PUS7L: variants seen among roughly 807,000 people sequenced by gnomAD.
The protein encoded by PUS7L is pseudouridine synthase 7 like.
PUS7L carries 49 observed loss-of-function variants against 51.1 expected under a neutral mutation model. The observed-to-expected ratio is 0.96, with a 90% CI of 0.76 to 1.22. The LOEUF (loss-of-function observed/expected upper bound fraction) is 1.22, where lower values mean the gene tolerates loss of function less well. Ranked by LOEUF, PUS7L falls within the 50% of genes most tolerant of loss-of-function variation. The pLI, the probability that PUS7L is intolerant of heterozygous loss-of-function variation, is 0.00. For missense variants in PUS7L, 828 were observed against 820.6 expected, an observed-to-expected ratio of 1.01 and a Z score of -0.11; for synonymous variants, 277 against 276.2, an observed-to-expected ratio of 1.00 and a Z score of -0.03.
chr12:43,754,223 G>A (rs1324255886), intron 2 of PUS7L, 113 bp downstream of exon 2: 6 of 695,394 alleles, frequency 8.6e-6, no homozygotes, highest in African/African-American at 5.4e-5. Flanking sequence ...TCTCCCTAAA[G>A]GTAAATCATA....
intron 1 of PUS7L, among the ~76,000 whole-genome samples, chr12:43,756,514 T>C (rs1339777865): frequency 6.6e-6 from 1 of 152,210 alleles, no homozygotes; most frequent in Non-Finnish European, 1.5e-5. Context: ...CTCTCTCGGA[T>C]CCCCAGACAA....
chr12:43,748,896 G>T (rs1193958382), intron 2 of PUS7L, among the ~76,000 whole-genome samples: 4 of 152,146 alleles, frequency 2.6e-5, no homozygotes, highest in South Asian at 2.1e-4. Context: ...GCTAATTTTT[G>T]TATTTTTAGC....
chr12:43,730,382 G>A lies in PUS7L; in HGVS notation c.2100C>T (p.Asp700=), dbSNP rs755410977. Residue 700 remains aspartate, a synonymous_variant, in exon 9 of 9, where the codon GAC becomes GAT. Transcript: ENST00000344862. ...TVCLKEIMKH[D]V is the part of the protein sequence containing the mutation. ...TATACCAAGGGTATCAGTTTTAAAC[G>A]TCATGCTTCATTATTTCCTTCAGAC... is the stretch of plus-strand genomic sequence containing the variant. The A allele has an allele frequency of 6.8e-6, 11 of 1,612,118 alleles. No homozygotes were observed. Among genetic ancestry groups the A allele is most frequent in the Middle Eastern group, 1.7e-4 (1 of 6,054 alleles).
intron 4 of PUS7L, among the ~76,000 whole-genome samples, chr12:43,743,609 A>C (rs1938011528): frequency 6.6e-6 from 1 of 152,016 alleles, no homozygotes; most frequent in African/African-American, 2.4e-5. Flanking sequence ...TAAAAATACA[A>C]AAAATTAGCT....
Position 43,746,191 on chromosome 12 carries a change from A to C in PUS7L, c.1118T>G (p.Phe373Cys), listed in dbSNP as rs1938162122. Residue 373 changes from phenylalanine to cysteine, a missense_variant, in exon 4 of 9, where the codon TTT becomes TGT. Coordinates refer to ENST00000344862, the MANE Select transcript of PUS7L (RefSeq NM_031292.5). ...GGAATCATCTACAGACCGAATATTA[A>C]AGACATTCATTCTTTTCTTTTCAAT... ...KEIEKKRMNV[F>C]NIRSVDDSLR... 6.7e-7 allele frequency: 1 copy of C among 1,501,222 alleles called. No individual in the cohort carries two copies. Among genetic ancestry groups the C allele is most frequent in the Non-Finnish European group, 9.1e-7 (1 of 1,093,386 alleles). 93.0% of individuals were successfully genotyped at this position (1,501,222 alleles called of 1,614,324 possible). A position where few individuals can be genotyped will look rare whatever the true frequency, so the allele number is the denominator to read the frequency against.
chr12:43,756,002 A>C (rs1477995077), intron 1 of PUS7L, among the ~76,000 whole-genome samples: 1 of 152,152 alleles, frequency 6.6e-6, no homozygotes, highest in Non-Finnish European at 1.5e-5. Flanking sequence ...TACCATATGG[A>C]GCTGCAGGAA....
chr12:43,755,121 T>C lies in PUS7L; in HGVS notation c.125A>G (p.Gln42Arg), dbSNP rs568115016. ...GATGGTCTTATTAACTAACTGTCCC[T>C]GTTCATCAATTTCAATAACAATAAA... is the stretch of plus-strand genomic sequence containing the variant. The part of the protein sequence containing the change: ...SDFIVIEIDE[Q>R]GQLVNKTIDE... The change falls in exon 2 of 9, where the codon CAG becomes CGG. Residue 42 changes from glutamine to arginine, a missense_variant. Physicochemically the swap from Gln to Arg is conservative, Grantham distance 43 (BLOSUM62 1). Coordinates refer to ENST00000344862, the MANE Select transcript of PUS7L (RefSeq NM_031292.5). 6.2e-7 allele frequency: 1 copy of C among 1,613,684 alleles called. No homozygotes were observed. Among genetic ancestry groups the C allele is most frequent in the East Asian group, 2.2e-5 (1 of 44,800 alleles).
rs1944452446 is a variant in PUS7L, at chr12:43,726,188, A to T, written c.*4188T>A. The T allele has an allele frequency of 6.6e-6, 1 of 152,192 alleles. No individual in the cohort carries two copies. Among genetic ancestry groups the T allele is most frequent in the Non-Finnish European group, 1.5e-5 (1 of 68,030 alleles). 9.4% of individuals were successfully genotyped at this position (152,192 alleles called of 1,614,324 possible). ...CCAAAACAGCATGGTACTGGTACAA[A>T]AACAGACACATAGACCAATGGAACA... On this transcript the variant is annotated 3_prime_UTR_variant, in exon 9 of 9. Transcript: ENST00000344862.
chr12:43,756,511 G>A (rs776005066), intron 1 of PUS7L, among the ~76,000 whole-genome samples: 4 of 152,180 alleles, frequency 2.6e-5, no homozygotes, highest in Admixed American at 2.0e-4. Context: ...ATCCTCTCTC[G>A]GATCCCCAGA....
chr12:43,746,208 CT>C lies in PUS7L; in HGVS notation c.1100del (p.Lys367ArgfsTer4), dbSNP rs760531972. The C allele has an allele frequency of 4.2e-6, 6 of 1,444,830 alleles. No individual in the cohort carries two copies. In the East Asian group the frequency reaches 1.2e-4, roughly 29 times the overall value. 89.5% of individuals were successfully genotyped at this position (1,444,830 alleles called of 1,614,324 possible). On this transcript the variant is annotated frameshift_variant, in exon 4 of 9. Coordinates refer to ENST00000344862, the MANE Select transcript of PUS7L (RefSeq NM_031292.5). LOFTEE classifies it high-confidence loss of function. ...RLKNIEKEIE[K>X]KRMNVFNIRS... Reference sequence around the variant, plus strand: ...GAATATTAAAGACATTCATTCTTTTCTTTTCAATTTCTTTTTCAATATTTTT... The same window carrying C: ...GAATATTAAAGACATTCATTCTTTTCTTTCAATTTCTTTTTCAATATTTTT...
Position 43,721,377 on chromosome 12 carries a change from G to A in PUS7L, c.*8999C>T, listed in dbSNP as rs1017955118. Reference sequence around the variant, plus strand: ...AATGCATTTAATATTTCAATAAAAGGCAAAGATGAAAGTATTACAAAAGAA... The same window carrying A: ...AATGCATTTAATATTTCAATAAAAGACAAAGATGAAAGTATTACAAAAGAA... On this transcript the variant is annotated 3_prime_UTR_variant, in exon 9 of 9. Transcript: ENST00000344862. 2.6e-5 allele frequency: 4 copies of A among 152,118 alleles called. No individual in the cohort carries two copies. Among genetic ancestry groups the A allele is most frequent in the African/African-American group, 9.6e-5 (4 of 41,514 alleles). The allele number at this position is 152,118 out of a possible 1,614,324, so 9.4% of individuals were successfully genotyped here.
rs780487091 is a variant in PUS7L at position 43,748,570 on chromosome 12, G to A, written c.950C>T (p.Ala317Val). 1.9e-5 allele frequency: 31 copies of A among 1,600,998 alleles called. No homozygotes were observed. The highest frequency in any genetic ancestry group is 3.4e-4 in the Middle Eastern group (2 of 5,948). ...AAGTTTGATAGCTAAAAAACCAATC[G>A]CTTCAAACATTTCCAGGTTTTCCTT... is the stretch of plus-strand genomic sequence containing the variant. Reference protein sequence around the residue: ...LRKENLEMFEAIGFLAIKLGV... With the variant: ...LRKENLEMFEVIGFLAIKLGV... The change falls in exon 3 of 9, where the codon GCG (alanine) becomes GTG (valine). Residue 317 changes from alanine (A) to valine (V), a missense_variant. Transcript: ENST00000344862.
chr12:43,758,655 C>CCA (rs1939015974), intron 1 of PUS7L, 75 bp downstream of exon 1: 2 of 260,490 alleles, frequency 7.7e-6, no homozygotes. Context: ...AACCTCGTCA[C>CCA]CCCCCCCCCC....
chr12:43,758,518 AG>A (rs1278759349), intron 1 of PUS7L: 1 of 985,702 alleles, frequency 1.0e-6, no homozygotes, highest in Non-Finnish European at 1.2e-6. Context: ...GCACGTCCAA[AG>A]GTGTCCCCGA....
At chr12:43,743,099 T>G (rs1371788546) in intron 4 of PUS7L, among the ~76,000 whole-genome samples, 1 of 152,214 alleles carries the variant, frequency 6.6e-6, no homozygotes, top group Non-Finnish European at 1.5e-5. Flanking sequence ...GTCCAGCTAT[T>G]CCAGCACCTG....
Position 43,729,919 on chromosome 12 carries a change from A to G in PUS7L, c.*457T>C, listed in dbSNP as rs2137656083. ...TATATTGTTCTGATCAATAATTTCA[A>G]AAACAGGAAAGGGGGACAATAATAA... On this transcript the variant is annotated 3_prime_UTR_variant, in exon 9 of 9. Coordinates refer to ENST00000344862, the MANE Select transcript of PUS7L (RefSeq NM_031292.5). 1 of 160,894 alleles carries G rather than the reference A, an allele frequency of 6.2e-6. No individual in the cohort carries two copies. Among genetic ancestry groups the G allele is most frequent in the East Asian group, 1.7e-4 (1 of 5,772 alleles). 10.0% of individuals were successfully genotyped at this position (160,894 alleles called of 1,614,324 possible).
intron 1 of PUS7L, 78 bp downstream of exon 1, chr12:43,758,652 T>TGGGGGC: frequency 2.8e-6 from 2 of 708,202 alleles, no homozygotes; most frequent in Non-Finnish European, 3.1e-6. Flanking sequence ...GCCAACCTCG[T>TGGGGGC]CACCCCCCCC....
chr12:43,747,492 G>A (rs141427238), intron 3 of PUS7L, among the ~76,000 whole-genome samples: 19 of 152,110 alleles, frequency 1.2e-4, no homozygotes, highest in African/African-American at 3.4e-4. Context: ...TCAGGAGTTC[G>A]AGACCAGCCT....
At chr12:43,757,263 C>A (rs543956296) in intron 1 of PUS7L, among the ~76,000 whole-genome samples, 2 of 152,278 alleles carry the variant, frequency 1.3e-5, no homozygotes, top group East Asian at 3.9e-4. Flanking sequence ...CTCCGCCTCC[C>A]GAGTTCGAGC....
Sources: allele counts gnomAD v4.1 joint callset (sites outside exome capture counted in the v4.1 genomes callset), GRCh38; gene constraint gnomAD v4.1.1; transcripts MANE v1.5; gene names NCBI Gene and HGNC (gene_info 2026-07-23, HGNC 2026-07-21).